Variants in PRKCH observed in about 807,000 individuals in gnomAD.
The protein encoded by PRKCH is protein kinase C eta.
A neutral mutation model predicts 82.5 loss-of-function variants in PRKCH; 28 were observed. The observed-to-expected ratio is 0.34, with a 90% CI of 0.25 to 0.47. The LOEUF is 0.47. PRKCH is among the 20% of genes least tolerant of loss of function. PRKCH has a pLI of 1.00. For synonymous variants in PRKCH, 322 were observed against 327.4 expected (o/e 0.98, Z 0.18); for missense variants, 705 against 881.8 (o/e 0.80, Z 2.54).
chr14:61,189,502 ATCTC>A (rs34112120), intron 1 of PRKCH, among the ~76,000 whole-genome samples: 2 of 146,966 alleles, frequency 1.4e-5, no homozygotes, highest in South Asian at 2.2e-4. Context: ...CTGAAATGTT[ATCTC>A]TCTCTCTCTC....
intron 1 of PRKCH, among the ~76,000 whole-genome samples, chr14:61,301,531 C>T (rs549421791): frequency 2.0e-5 from 3 of 152,268 alleles, no homozygotes; most frequent in South Asian, 2.1e-4. Context: ...CTCAAGGTAA[C>T]GTGTGCATAC....
chr14:61,527,750 C>T (rs2042985394), intron 10 of PRKCH, among the ~76,000 whole-genome samples: 1 of 152,156 alleles, frequency 6.6e-6, no homozygotes. Context: ...ATGGCCCCAG[C>T]ACTCCTCTGT....
At chr14:61,328,483 T>A (rs2045733707) in intron 1 of PRKCH, among the ~76,000 whole-genome samples, 1 of 152,144 alleles carries the variant, frequency 6.6e-6, no homozygotes, top group South Asian at 2.1e-4. Context: ...TTTAAAAGGT[T>A]GTGCCTCAGC....
At chr14:61,322,633 G>T in intron 1 of PRKCH, 169 bp downstream of exon 1, 1 of 880,764 alleles carries the variant, frequency 1.1e-6, no homozygotes, top group Non-Finnish European at 1.7e-6. Flanking sequence ...GACCGCGGTG[G>T]GTGTGTGCAG....
chr14:61,459,033 A>T (rs1338608603), intron 9 of PRKCH, among the ~76,000 whole-genome samples: 2 of 152,220 alleles, frequency 1.3e-5, no homozygotes, highest in East Asian at 3.8e-4. Context: ...ACCAACCTTG[A>T]TTCAGCCCCT....
intron 1 of PRKCH, among the ~76,000 whole-genome samples, chr14:61,363,593 A>C (rs962044686): frequency 3.9e-5 from 6 of 152,126 alleles, no homozygotes; most frequent in African/African-American, 1.4e-4. Flanking sequence ...CCAAGGTAAT[A>C]TACTGATTTT....
At chr14:61,517,383 G>A (rs571296060) in intron 10 of PRKCH, among the ~76,000 whole-genome samples, 1 of 152,326 alleles carries the variant, frequency 6.6e-6, no homozygotes, top group Admixed American at 6.5e-5. Context: ...GAATGTCTTC[G>A]AGGAACTAGC....
chr14:61,402,265 ACT>A lies in PRKCH; in HGVS notation c.427+10979_427+10980del, dbSNP rs574281766. 2.0e-4 allele frequency among the ~76,000 whole-genome samples: 30 copies of A among 152,300 alleles called. 2 individuals carry two copies. In the South Asian group the frequency reaches 6.0e-3, roughly 30 times the overall value. Reference sequence around the variant, plus strand: ...AGGATCTCTTGAAAGCGTAAGGTAGACTCATGTATATTAATTTAAAGTATGAA... The same window carrying A: ...AGGATCTCTTGAAAGCGTAAGGTAGACATGTATATTAATTTAAAGTATGAA... On this transcript the variant is annotated intron_variant, in intron 2 of 13. Coordinates refer to ENST00000332981, the MANE Select transcript of PRKCH (RefSeq NM_006255.5).
rs1555369165 is a variant in PRKCH at position 61,210,161 on chromosome 14, T to TATATAA, written c.-19+22494_-19+22495insTATAAA. Among the ~76,000 whole-genome samples, 297 of 95,120 alleles carry TATATAA rather than the reference T, an allele frequency of 3.1e-3. 19 individuals are homozygous for TATATAA. Among genetic ancestry groups the TATATAA allele is most frequent in the Non-Finnish European group, 4.5e-3 (207 of 45,624 alleles). 62.4% of individuals were successfully genotyped at this position (95,120 alleles called of 152,430 possible). The stretch of plus-strand genomic sequence containing the variant: ...ATATATATATATATATATATATATA[T>TATATAA]AAATTAGCTTGGCATAGTGGCAGGC... On this transcript the variant is annotated intron_variant, in intron 1 of 3. Coordinates refer to the PRKCH transcript ENST00000555185.
intron 9 of PRKCH, among the ~76,000 whole-genome samples, chr14:61,464,765 A>T (rs928289164): frequency 2.6e-5 from 4 of 151,990 alleles, no homozygotes; most frequent in African/African-American, 9.7e-5. Context: ...TATGTGCTAC[A>T]TTTTCTTTAT....
intron 9 of PRKCH, among the ~76,000 whole-genome samples, chr14:61,467,329 A>AG (rs2140307276): frequency 6.6e-6 from 1 of 152,304 alleles, no homozygotes; most frequent in Non-Finnish European, 1.5e-5. Flanking sequence ...ACGTACCTTT[A>AG]GGGAGTGCCC....
At chr14:61,271,300 G>A (rs1170793436) in intron 1 of PRKCH, among the ~76,000 whole-genome samples, 4 of 151,788 alleles carry the variant, frequency 2.6e-5, no homozygotes, top group Non-Finnish European at 4.4e-5. Flanking sequence ...TGTTCCATTG[G>A]TCTACTTGCC....
rs76273500 is a variant in PRKCH, at chr14:61,340,161, G to A, written c.363+17697G>A. On this transcript the variant is annotated intron_variant, in intron 1 of 13. Coordinates refer to ENST00000332981, the MANE Select transcript of PRKCH (RefSeq NM_006255.5). ...CCCTGCCCTGTTCATTTTTCTTCCCGGTGCCCATCCCCAGGAGACTGCGCT... is the reference window on the plus strand; with the variant it reads ...CCCTGCCCTGTTCATTTTTCTTCCCAGTGCCCATCCCCAGGAGACTGCGCT... 4.7e-3 allele frequency among the ~76,000 whole-genome samples: 712 copies of A among 151,868 alleles called. 6 individuals are homozygous for A. Among genetic ancestry groups the A allele is most frequent in the African/African-American group, 0.017 (687 of 41,402 alleles).
At chr14:61,464,201 C>T (rs921700544) in intron 9 of PRKCH, among the ~76,000 whole-genome samples, 3 of 152,138 alleles carry the variant, frequency 2.0e-5, no homozygotes, top group African/African-American at 7.2e-5. Context: ...ACAAGGGTTC[C>T]CTTTTCTCCA....
chr14:61,409,169 G>A (rs1056009308), intron 2 of PRKCH, among the ~76,000 whole-genome samples: 2 of 152,172 alleles, frequency 1.3e-5, no homozygotes, highest in African/African-American at 2.4e-5. Context: ...CCATGGGGGT[G>A]GTGGCTGTGG....
chr14:61,437,886 C>G (rs147400459), intron 2 of PRKCH, among the ~76,000 whole-genome samples: 1 of 151,752 alleles, frequency 6.6e-6, no homozygotes, highest in Non-Finnish European at 1.5e-5. Context: ...CACTTGAGCC[C>G]GTGAGTTTGA....
chr14:61,461,645 G>T (rs1264931782), intron 9 of PRKCH, among the ~76,000 whole-genome samples: 5 of 152,208 alleles, frequency 3.3e-5, no homozygotes, highest in African/African-American at 7.2e-5. Context: ...AAAGAAAGAA[G>T]TATCTCATAC....
chr14:61,242,253 C>G (rs2140066953), intron 1 of PRKCH, among the ~76,000 whole-genome samples: 1 of 152,268 alleles, frequency 6.6e-6, no homozygotes, highest in Non-Finnish European at 1.5e-5. Context: ...GCCTTAGAGA[C>G]AGTGAATGGT....
intron 1 of PRKCH, among the ~76,000 whole-genome samples, chr14:61,283,365 G>A (rs1010761857): frequency 1.3e-5 from 2 of 152,118 alleles, no homozygotes; most frequent in African/African-American, 4.8e-5. Flanking sequence ...ACAAGGAATG[G>A]TCAGCAGAGT....
Sources: gnomAD v4.1 joint callset for allele counts (sites outside exome capture counted in the v4.1 genomes callset) on GRCh38, gnomAD v4.1.1 for gene constraint, MANE v1.5 for transcripts, NCBI Gene and HGNC (gene_info 2026-07-23, HGNC 2026-07-21) for gene names.